Variants in AGGF1 observed in about 807,000 individuals in gnomAD.
The protein encoded by AGGF1 is angiogenic factor with G-patch and FHA domains 1.
AGGF1 carries 56 observed loss-of-function variants against 86.5 expected under a neutral mutation model. The ratio of observed to expected loss-of-function variants is 0.65; its 90% CI spans 0.52 to 0.81. The LOEUF (loss-of-function observed/expected upper bound fraction) is 0.81, where lower values mean the gene tolerates loss of function less well. Ranked by LOEUF, AGGF1 falls within the 30% of genes least tolerant of loss-of-function variation. The pLI, the probability that AGGF1 is intolerant of heterozygous loss-of-function variation, is 0.00. For missense variants in AGGF1, 816 were observed against 850.9 expected (o/e 0.96, Z 0.51); for synonymous variants, 313 against 297.1 (o/e 1.05, Z -0.55).
rs753285795 is a variant in AGGF1, at chr5:77,030,797, T to TCGCCGC, written c.39_44dup (p.Pro14_Pro15dup). On this transcript the variant is annotated inframe_insertion, in exon 1 of 14. Transcript: ENST00000312916. The stretch of plus-strand genomic sequence containing the variant: ...CTCGGAGGCGCCGTCCCCGCCGCGG[T>TCGCCGC]CGCCGCCGCCGCCCACCTCCCCCGA... 31 of 1,594,208 alleles carry TCGCCGC rather than the reference T, an allele frequency of 1.9e-5. No individual in the cohort carries two copies. Among genetic ancestry groups the TCGCCGC allele is most frequent in the South Asian group, 7.8e-5 (7 of 90,048 alleles).
At chr5:77,042,627 CG>C (rs1747128596) in intron 5 of AGGF1, among the ~76,000 whole-genome samples, 2 of 42,772 alleles carry the variant, frequency 4.7e-5, no homozygotes, top group African/African-American at 7.1e-5. Context: ...GCTGGCCGGG[CG>C]GGGGGCTGAC....
In AGGF1 at chr5:77,030,702, G is replaced by A. The variant is rs1485836403; in HGVS notation, c.-65G>A. Reference sequence around the variant, plus strand: ...GCGCGCTCCAGTGGTCTCTGGGTCCGCCGGCGTCCGTTTCGGCCTGAACGC... The same window carrying A: ...GCGCGCTCCAGTGGTCTCTGGGTCCACCGGCGTCCGTTTCGGCCTGAACGC... On this transcript the variant is annotated 5_prime_UTR_variant, in exon 1 of 14. Coordinates refer to ENST00000312916, the MANE Select transcript of AGGF1 (RefSeq NM_018046.5). The A allele has an allele frequency of 3.8e-5, 58 of 1,514,346 alleles. No individual in the cohort carries two copies. The highest frequency in any genetic ancestry group is 5.0e-5 in the Non-Finnish European group (56 of 1,130,564). The allele number at this position is 1,514,346 out of a possible 1,614,324, so 93.8% of individuals were successfully genotyped here.
intron 1 of AGGF1, among the ~76,000 whole-genome samples, chr5:77,031,552 C>T (rs537284226): frequency 7.1e-4 from 108 of 152,278 alleles, no homozygotes; most frequent in South Asian, 2.1e-3. Flanking sequence ...CAGCTTATTT[C>T]GTTTCCAAGA....
At position 77,063,084 on chromosome 5, in the gene AGGF1, C is replaced by T; in HGVS notation, c.1977C>T (p.Gly659=). The change falls in exon 14 of 14, where the codon GGC becomes GGT. Residue 659 remains glycine (G), a synonymous_variant. Transcript: ENST00000312916. ...IQLQLRRTHA[G]LGTGKPSSFE... Reference sequence around the variant, plus strand: ...TTCAGCTTCGGCGAACACATGCAGGCTTGGGGACAGGCAAACCATCCTCAT... The same window carrying T: ...TTCAGCTTCGGCGAACACATGCAGGTTTGGGGACAGGCAAACCATCCTCAT... 1 of 1,614,076 alleles carries T rather than the reference C, an allele frequency of 6.2e-7. No homozygotes were observed. The highest frequency in any genetic ancestry group is 8.5e-7 in the Non-Finnish European group (1 of 1,179,994).
chr5:77,057,225 A>C (rs1582929), intron 11 of AGGF1, among the ~76,000 whole-genome samples: 34,629 of 152,174 alleles, frequency 0.23, 4,486 homozygotes, highest in Non-Finnish European at 0.29. Context: ...CTATTTTACA[A>C]GTTAGCCATT....
intron 5 of AGGF1, among the ~76,000 whole-genome samples, chr5:77,040,699 T>C (rs1561285233): frequency 6.6e-6 from 1 of 152,228 alleles, no homozygotes; most frequent in Non-Finnish European, 1.5e-5. Flanking sequence ...TGGTGGTTTA[T>C]AGGTTATAAA....
chr5:77,035,253 C>T (rs1214255573), intron 2 of AGGF1, among the ~76,000 whole-genome samples: 1 of 152,020 alleles, frequency 6.6e-6, no homozygotes, highest in Non-Finnish European at 1.5e-5. Context: ...AACCTATCTA[C>T]AGATTTTTAT....
intron 8 of AGGF1, among the ~76,000 whole-genome samples, chr5:77,051,883 A>G (rs1747378123): frequency 6.6e-6 from 1 of 152,180 alleles, no homozygotes; most frequent in Non-Finnish European, 1.5e-5. Flanking sequence ...ATGAACGACA[A>G]CTCTATAACT....
intron 5 of AGGF1, among the ~76,000 whole-genome samples, chr5:77,044,413 A>G (rs11740558): frequency 0.23 from 34,633 of 152,140 alleles, 4,492 homozygotes; most frequent in Non-Finnish European, 0.29. Flanking sequence ...ATTTTTAAAG[A>G]TATTTTTGAG....
intron 11 of AGGF1, among the ~76,000 whole-genome samples, chr5:77,056,608 T>G (rs1244628328): frequency 2.6e-5 from 4 of 151,538 alleles, no homozygotes; most frequent in African/African-American, 9.7e-5. Context: ...AAAAGAATGT[T>G]GATCCATACC....
At chr5:77,056,764 A>G (rs1004896812) in intron 11 of AGGF1, among the ~76,000 whole-genome samples, 4 of 152,180 alleles carry the variant, frequency 2.6e-5, no homozygotes, top group African/African-American at 7.2e-5. Flanking sequence ...GATAATCTGT[A>G]TTTCTTCAAA....
intron 1 of AGGF1, among the ~76,000 whole-genome samples, chr5:77,034,169 C>A (rs187446170): frequency 4.6e-5 from 7 of 152,062 alleles, no homozygotes. Flanking sequence ...AAATAAAGGA[C>A]CTTGTTCACA....
chr5:77,042,341 G>C, intron 5 of AGGF1, among the ~76,000 whole-genome samples: 1 of 143,724 alleles, frequency 7.0e-6, no homozygotes. Context: ...CTCCCAGACG[G>C]GGTGGTGGCC....
At chr5:77,044,516 C>G (rs1184678021) in intron 5 of AGGF1, among the ~76,000 whole-genome samples, 1 of 152,058 alleles carries the variant, frequency 6.6e-6, no homozygotes, top group Non-Finnish European at 1.5e-5. Flanking sequence ...CCTCAGTGCC[C>G]ATAAATAAGC....
chr5:77,035,224 A>C (rs941440059), intron 2 of AGGF1, among the ~76,000 whole-genome samples: 3 of 152,188 alleles, frequency 2.0e-5, no homozygotes, highest in Non-Finnish European at 4.4e-5. Flanking sequence ...TTAAGAGTTA[A>C]GTTTTTTAAA....
rs751923591 is a variant in AGGF1 at position 77,061,729 on chromosome 5, G to A, written c.1871G>A (p.Arg624Gln). 11 of 1,613,256 alleles carry A rather than the reference G, an allele frequency of 6.8e-6. No homozygotes were observed. The highest frequency in any genetic ancestry group is 3.3e-5 in the Admixed American group (2 of 59,986). ...GAAATTACTGATAGCAACAAAGGTCGGAAGATGTTGGAGAAGATGGGTTGG... is the reference window on the plus strand; with the variant it reads ...GAAATTACTGATAGCAACAAAGGTCAGAAGATGTTGGAGAAGATGGGTTGG... ...HSEITDSNKGRKMLEKMGWKK... is the reference protein window; with the variant it reads ...HSEITDSNKGQKMLEKMGWKK... The change falls in exon 13 of 14, where the codon CGG becomes CAG. Residue 624 changes from arginine (R) to glutamine (Q), a missense_variant. Physicochemically the swap from Arg to Gln is conservative, Grantham distance 43 (BLOSUM62 1). This residue lies in a region of AGGF1 where 565 missense variants were observed against 585.8 expected (regional missense o/e 0.96). Transcript: ENST00000312916.
At chr5:77,034,642 C>T (rs946509121) in intron 2 of AGGF1, 122 bp downstream of exon 2, 25 of 739,256 alleles carry the variant, frequency 3.4e-5, no homozygotes, top group South Asian at 1.6e-4. Flanking sequence ...ATACTGTTGA[C>T]GTCTCTCCAT....
intron 8 of AGGF1, among the ~76,000 whole-genome samples, chr5:77,050,107 G>GA (rs1251573254): frequency 6.6e-6 from 1 of 151,786 alleles, no homozygotes; most frequent in African/African-American, 2.4e-5. Context: ...TCAGAAAGAG[G>GA]AAAAAGTCCT....
In AGGF1 at chr5:77,038,256, T is replaced by C. The variant is rs188616176; in HGVS notation, c.682-1275T>C. 3.7e-4 allele frequency among the ~76,000 whole-genome samples: 56 copies of C among 152,330 alleles called. No individual in the cohort carries two copies. In the South Asian group the frequency reaches 7.7e-3, roughly 21 times the overall value. Reference sequence around the variant, plus strand: ...ACCAGGAAATTAATGTTTAAACACTTATCCAAAGGGAGTAGTTATTTAGTT... The same window carrying C: ...ACCAGGAAATTAATGTTTAAACACTCATCCAAAGGGAGTAGTTATTTAGTT... On this transcript the variant is annotated intron_variant, in intron 4 of 13. Coordinates refer to ENST00000312916, the MANE Select transcript of AGGF1 (RefSeq NM_018046.5).
Sources: gnomAD v4.1 joint callset for allele counts (sites outside exome capture counted in the v4.1 genomes callset) on GRCh38, gnomAD v4.1.1 for gene constraint, gnomAD v4.1.1 regional missense constraint, MANE v1.5 for transcripts, NCBI Gene and HGNC (gene_info 2026-07-23, HGNC 2026-07-21) for gene names.